Variants in DYNC2H1 observed in about 807,000 individuals in gnomAD.
The protein encoded by DYNC2H1 is dynein cytoplasmic 2 heavy chain 1.
A neutral mutation model predicts 570.0 loss-of-function variants in DYNC2H1; 410 were observed. The ratio of observed to expected loss-of-function variants is 0.72; its 90% CI spans 0.66 to 0.78. The LOEUF is 0.78. DYNC2H1 is among the 30% of genes least tolerant of loss of function. The pLI is 0.00. For synonymous variants in DYNC2H1, 1,688 were observed against 1,677.6 expected (o/e 1.01, Z -0.15); for missense variants, 4,865 against 5,046.4 (o/e 0.96, Z 1.09).
intron 85 of DYNC2H1, among the ~76,000 whole-genome samples, chr11:103,448,114 A>T (rs1944485827): frequency 6.6e-6 from 1 of 152,162 alleles, no homozygotes; most frequent in African/African-American, 2.4e-5. Flanking sequence ...TTACTATGCC[A>T]AGGATTAAAG....
intron 48 of DYNC2H1, among the ~76,000 whole-genome samples, 184 bp downstream of exon 48, chr11:103,198,247 T>C (rs1217558604): frequency 1.3e-5 from 2 of 152,218 alleles, no homozygotes; most frequent in African/African-American, 2.4e-5. Context: ...TACATAGATA[T>C]GTGTAAAATT....
rs557861001 is a variant in DYNC2H1 at position 103,150,488 on chromosome 11, G to A, written c.2947-1648G>A. The stretch of plus-strand genomic sequence containing the variant: ...TCTTAGGAGTTTGGCTTGAGCAGCT[G>A]GGAAAATATTGGTGCCATTTCCTGA... On this transcript the variant is annotated intron_variant, in intron 20 of 88. Transcript: ENST00000375735. 2.9e-4 allele frequency among the ~76,000 whole-genome samples: 44 copies of A among 152,198 alleles called. 2 individuals are homozygous for A. In the South Asian group the frequency reaches 8.9e-3, roughly 31 times the overall value.
chr11:103,397,202 GATA>G (rs1474276338), intron 83 of DYNC2H1, among the ~76,000 whole-genome samples: 2 of 152,192 alleles, frequency 1.3e-5, no homozygotes, highest in East Asian at 3.9e-4. Context: ...TCCATGATCA[GATA>G]ATGATTTTGT....
At chr11:103,143,473 G>T (rs1860074884) in intron 18 of DYNC2H1, 78 bp downstream of exon 18, 3 of 1,390,310 alleles carry the variant, frequency 2.2e-6, no homozygotes, top group Admixed American at 2.8e-5. Context: ...CTACTTAGTG[G>T]CATTGAAGTC....
intron 18 of DYNC2H1, among the ~76,000 whole-genome samples, chr11:103,147,090 C>T (rs1860277313): frequency 6.6e-6 from 1 of 152,094 alleles, no homozygotes; most frequent in African/African-American, 2.4e-5. Flanking sequence ...ATCTTGGAGC[C>T]TGCCTTGAAA....
Position 103,109,515 on chromosome 11 carries a change from C to T in DYNC2H1, c.-60C>T. Reference sequence around the variant, plus strand: ...AAGCTCCTCTCTTCCCTTCACTTCCCTCCGGACTGGTTTCTTCTTCCTTCC... The same window carrying T: ...AAGCTCCTCTCTTCCCTTCACTTCCTTCCGGACTGGTTTCTTCTTCCTTCC... On this transcript the variant is annotated 5_prime_UTR_variant, in exon 1 of 89. Transcript: ENST00000375735. 6.6e-7 allele frequency: 1 copy of T among 1,510,952 alleles called. No individual in the cohort carries two copies. The allele number at this position is 1,510,952 out of a possible 1,614,324, so 93.6% of individuals were successfully genotyped here.
intron 19 of DYNC2H1, 72 bp from the exon 20 acceptor site, chr11:103,148,418 T>G (rs554018856): frequency 6.8e-7 from 1 of 1,468,934 alleles, no homozygotes; most frequent in Admixed American, 2.1e-5. Flanking sequence ...ACCCCTTGAT[T>G]TAGAAATTAT....
At chr11:103,441,525 G>A (rs1944268237) in intron 85 of DYNC2H1, among the ~76,000 whole-genome samples, 1 of 151,834 alleles carries the variant, frequency 6.6e-6, no homozygotes, top group Non-Finnish European at 1.5e-5. Flanking sequence ...TCTGTTTACT[G>A]CCCCATCCAA....
chr11:103,190,452 AGAG>A, intron 45 of DYNC2H1, among the ~76,000 whole-genome samples: 1 of 152,340 alleles, frequency 6.6e-6, no homozygotes, highest in East Asian at 1.9e-4. Flanking sequence ...GAGATAGCAC[AGAG>A]GAGGAGTAAA....
chr11:103,233,021 G>T (rs965509644), intron 60 of DYNC2H1, among the ~76,000 whole-genome samples: 1 of 151,898 alleles, frequency 6.6e-6, no homozygotes, highest in African/African-American at 2.4e-5. Context: ...TTAAATAGCC[G>T]TAAAGTGGCT....
rs373536938 is a variant in DYNC2H1 at position 103,280,381 on chromosome 11, C to T, written c.10729C>T (p.Arg3577Ter). The T allele has an allele frequency of 1.4e-5, 21 of 1,555,544 alleles. No homozygotes were observed. Among genetic ancestry groups the T allele is most frequent in the Non-Finnish European group, 1.4e-5 (16 of 1,148,338 alleles). ...DQLMFALHFV[R>*]GMHPELFQEN... Reference sequence around the variant, plus strand: ...GTTGATGTTCGCTTTGCATTTTGTTCGAGGCATGCATCCTGAACTTTTTCA... The same window carrying T: ...GTTGATGTTCGCTTTGCATTTTGTTTGAGGCATGCATCCTGAACTTTTTCA... The change falls in exon 71 of 89, where the codon CGA (arginine) becomes TGA (stop). Residue 3577 changes from arginine (R) to a stop codon, truncating the protein, a stop_gained. Transcript: ENST00000375735. LOFTEE classifies it high-confidence loss of function. This position sits in a 1 kb window ranked among gnomAD's most constrained non-coding sequence, Gnocchi z 4.7.
In DYNC2H1 at chr11:103,303,144, A is replaced by C. The variant is rs1353776377; in HGVS notation, c.11147A>C (p.Glu3716Ala). The C allele has an allele frequency of 6.2e-7, 1 of 1,611,374 alleles. No homozygotes were observed. The highest frequency in any genetic ancestry group is 1.1e-5 in the South Asian group (1 of 90,738). Residue 3716 changes from glutamate to alanine, a missense_variant, in exon 76 of 89, where the codon GAG becomes GCG. Physicochemically the swap from Glu to Ala is moderately radical, Grantham distance 107. This residue lies in a region of DYNC2H1 where 2,401 missense variants were observed against 2,454.6 expected (regional missense o/e 0.98). Coordinates refer to ENST00000375735, the MANE Select transcript of DYNC2H1 (RefSeq NM_001377.3). ...LPLNLKRLYKETLEIEPILII... is the reference protein window; with the variant it reads ...LPLNLKRLYKATLEIEPILII... ...CTAAATCTCAAACGTTTATACAAAG[A>C]GACACTGGAAATTGAACCCATCTTG...
intron 25 of DYNC2H1, among the ~76,000 whole-genome samples, chr11:103,156,064 A>G (rs760294984): frequency 6.6e-6 from 1 of 152,114 alleles, no homozygotes; most frequent in Non-Finnish European, 1.5e-5. Flanking sequence ...TGGTCTGTAA[A>G]ACTTTAAATA....
In DYNC2H1 at chr11:103,121,445, T is replaced by C. The variant is rs1379351246; in HGVS notation, c.1434T>C (p.Asn478=). Residue 478 remains asparagine, a synonymous_variant, in exon 10 of 89, where the codon AAT becomes AAC. Coordinates refer to ENST00000375735, the MANE Select transcript of DYNC2H1 (RefSeq NM_001377.3). ...GDASGPLSGK[N]LSEVVNSIVW... ...CATCTGGACCACTTTCTGGCAAAAATCTTTCAGAAGTTGTCAACAGTATAG... is the reference window on the plus strand; with the variant it reads ...CATCTGGACCACTTTCTGGCAAAAACCTTTCAGAAGTTGTCAACAGTATAG... 2 of 1,613,566 alleles carry C rather than the reference T, an allele frequency of 1.2e-6. No individual in the cohort carries two copies. Among genetic ancestry groups the C allele is most frequent in the Non-Finnish European group, 1.7e-6 (2 of 1,179,678 alleles).
chr11:103,311,885 C>T lies in DYNC2H1; in HGVS notation c.11501C>T (p.Pro3834Leu). ...TGTTGATTTTTTTTCTAGTCACCTC[C>T]AGGTTTAAAGAAGAATTTAATGCGT... ...SSLKITYESPPGLKKNLMRTY... is the reference protein window; with the variant it reads ...SSLKITYESPLGLKKNLMRTY... Residue 3834 changes from proline (P) to leucine (L), a missense_variant, in exon 79 of 89, where the codon CCA (proline) becomes CTA (leucine). Pro to Leu is a moderately conservative substitution (Grantham distance 98, BLOSUM62 -3). Transcript: ENST00000375735. 6.2e-7 allele frequency: 1 copy of T among 1,606,132 alleles called. No individual in the cohort carries two copies. The highest frequency in any genetic ancestry group is 8.5e-7 in the Non-Finnish European group (1 of 1,176,802).
chr11:103,456,233 T>C (rs755900943), intron 86 of DYNC2H1, 42 bp from the exon 87 acceptor site: 6 of 1,487,220 alleles, frequency 4.0e-6, no homozygotes, highest in East Asian at 2.3e-5. Flanking sequence ...TTTTAATTCC[T>C]AAGGATTATT....
chr11:103,191,761 A>G, intron 46 of DYNC2H1, 142 bp downstream of exon 46: 2 of 412,026 alleles, frequency 4.9e-6, no homozygotes, highest in African/African-American at 4.1e-5. Flanking sequence ...TAAAATTATT[A>G]TATTTCTTCT....
chr11:103,221,790 A>G (rs937490866), intron 57 of DYNC2H1, among the ~76,000 whole-genome samples: 1 of 152,158 alleles, frequency 6.6e-6, no homozygotes, highest in Non-Finnish European at 1.5e-5. Context: ...CAGGAGGTGG[A>G]GATTGCAGTG....
Position 103,325,879 on chromosome 11 carries a change from T to TAGTG in DYNC2H1, c.12039+1890_12039+1893dup, listed in dbSNP as rs1437122420. ...TGCTGGTGGGCGGGGGATGGGCGTA[T>TAGTG]AGTGGGCTCCTTTGAAGGTAAGGGG... On this transcript the variant is annotated intron_variant, in intron 82 of 88. Coordinates refer to ENST00000375735, the MANE Select transcript of DYNC2H1 (RefSeq NM_001377.3). The surrounding 1 kb of genome is among the most constrained non-coding windows in gnomAD (Gnocchi z 4.8). Among the ~76,000 whole-genome samples the TAGTG allele has an allele frequency of 6.6e-6, 1 of 152,112 alleles. No homozygotes were observed. The highest frequency in any genetic ancestry group is 1.9e-4 in the East Asian group (1 of 5,182).
Sources: gnomAD v4.1 joint callset for allele counts (sites outside exome capture counted in the v4.1 genomes callset) on GRCh38, gnomAD v4.1.1 for gene constraint, gnomAD v4.1.1 regional missense constraint, Gnocchi (gnomAD v3.1) non-coding constraint, MANE v1.5 for transcripts, NCBI Gene and HGNC (gene_info 2026-07-23, HGNC 2026-07-21) for gene names.